The following LHFPL2 variants were observed in gnomAD, a reference collection of about 807,000 sequenced individuals.
The protein encoded by LHFPL2 is LHFPL tetraspan subfamily member 2.
A neutral mutation model predicts 17.5 loss-of-function variants in LHFPL2; 7 were observed. The ratio of observed to expected loss-of-function variants is 0.40; its 90% CI spans 0.23 to 0.75. LHFPL2 has a LOEUF of 0.75. LHFPL2 is among the 30% of genes least tolerant of loss of function. The pLI, the probability that LHFPL2 is intolerant of heterozygous loss-of-function variation, is 0.37. For synonymous variants in LHFPL2, 134 were observed against 116.2 expected, an observed-to-expected ratio of 1.15 and a Z score of -0.99; for missense variants, 241 against 294.8, an observed-to-expected ratio of 0.82 and a Z score of 1.34.
Position 78,585,689 on chromosome 5 carries a change from CTCA to C in LHFPL2, c.-244-20821_-244-20819del, listed in dbSNP as rs1044153398. Among the ~76,000 whole-genome samples, 156 of 152,280 alleles carry C rather than the reference CTCA, an allele frequency of 1.0e-3. 1 individual carries two copies. The highest frequency in any genetic ancestry group is 3.6e-3 in the African/African-American group (148 of 41,556). On this transcript the variant is annotated intron_variant, in intron 2 of 4. Coordinates refer to ENST00000380345, the MANE Select transcript of LHFPL2 (RefSeq NM_005779.3). ...AAACAACCTCCACCTCCTCCTCCTC[CTCA>C]TCATCATCATCACCATCATCACGTA...
At position 78,489,069 on chromosome 5, in the gene LHFPL2, G is replaced by C. The variant is rs1754350146; in HGVS notation, c.515C>G (p.Ser172Cys). ...KAIDYCGHYASAYKPGDCSLG... is the reference protein window; with the variant it reads ...KAIDYCGHYACAYKPGDCSLG... The stretch of plus-strand genomic sequence containing the variant: ...GGAGCAGTCTCCAGGTTTGTAGGCA[G>C]ATGCATAATGTCCACAGTAGTCTAT... The change falls in exon 5 of 5, where the codon TCT (serine) becomes TGT (cysteine). Residue 172 changes from serine (S) to cysteine (C), a missense_variant. Ser to Cys is a moderately radical substitution (Grantham distance 112, BLOSUM62 -1). Transcript: ENST00000380345. 2 of 1,614,126 alleles carry C rather than the reference G, an allele frequency of 1.2e-6. No homozygotes were observed. Among genetic ancestry groups the C allele is most frequent in the Non-Finnish European group, 1.7e-6 (2 of 1,180,052 alleles).
chr5:78,485,619 A>C lies in LHFPL2; in HGVS notation c.*3278T>G, dbSNP rs1384100967. The stretch of plus-strand genomic sequence containing the variant: ...TTATTGCACAGAGAGGTCTGTTCTA[A>C]GCCAGACTCTTACAGCTAAGGAGGT... On this transcript the variant is annotated 3_prime_UTR_variant, in exon 5 of 5. Transcript: ENST00000380345. 1.3e-5 allele frequency: 2 copies of C among 152,614 alleles called. No individual in the cohort carries two copies. Among genetic ancestry groups the C allele is most frequent in the South Asian group, 2.1e-4 (1 of 4,824 alleles). The allele number at this position is 152,614 out of a possible 1,614,324, so 9.5% of individuals were successfully genotyped here. A position where few individuals can be genotyped will look rare whatever the true frequency, so the allele number is the denominator to read the frequency against.
chr5:78,530,261 C>T (rs1755740949), intron 3 of LHFPL2, among the ~76,000 whole-genome samples: 1 of 152,030 alleles, frequency 6.6e-6, no homozygotes, highest in South Asian at 2.1e-4. Context: ...AATTCTAACC[C>T]ATGTCTCTAA....
chr5:78,499,599 A>G (rs1413887583), intron 4 of LHFPL2, among the ~76,000 whole-genome samples: 2 of 152,230 alleles, frequency 1.3e-5, no homozygotes, highest in Non-Finnish European at 2.9e-5. Flanking sequence ...AAGAGGAGAG[A>G]CTGATATGCA....
At chr5:78,608,857 G>A (rs1229290678) in intron 2 of LHFPL2, among the ~76,000 whole-genome samples, 10 of 151,862 alleles carry the variant, frequency 6.6e-5, no homozygotes, top group Admixed American at 2.6e-4. Context: ...GCATGAACCC[G>A]GGAGGTGGAG....
chr5:78,597,753 TAAG>T (rs1743877311), intron 2 of LHFPL2, among the ~76,000 whole-genome samples: 1 of 152,170 alleles, frequency 6.6e-6, no homozygotes. Context: ...GTTACAGGAA[TAAG>T]AAAGAATTTA....
intron 4 of LHFPL2, among the ~76,000 whole-genome samples, chr5:78,493,660 T>C (rs750457980): frequency 1.3e-4 from 20 of 152,182 alleles, no homozygotes; most frequent in Non-Finnish European, 2.5e-4. Context: ...ATAACTGAGA[T>C]ACCAGTCAAT....
intron 1 of LHFPL2, among the ~76,000 whole-genome samples, chr5:78,645,540 GCATACACACA>G (rs1561380717): frequency 2.3e-5 from 2 of 86,256 alleles, no homozygotes; most frequent in Non-Finnish European, 4.6e-5. Context: ...ACAGACAGAT[GCATACACACA>G]CACACACACA....
At chr5:78,497,586 GATTTGAATGGATGAATGAAAAGAT>G (rs1229363356) in intron 4 of LHFPL2, among the ~76,000 whole-genome samples, 1 of 152,202 alleles carries the variant, frequency 6.6e-6, no homozygotes, top group Admixed American at 6.5e-5. Context: ...AATATTCACT[GATTTGAATGGATGAATGAAAAGAT>G]AAGGTGATGT....
chr5:78,644,375 A>T, intron 1 of LHFPL2: 1 of 992,604 alleles, frequency 1.0e-6, no homozygotes, highest in Non-Finnish European at 1.5e-6. Flanking sequence ...CTCACTATGC[A>T]GCAATATCCT....
chr5:78,622,409 A>G (rs559681970), intron 2 of LHFPL2, among the ~76,000 whole-genome samples: 255 of 152,250 alleles, frequency 1.7e-3, no homozygotes, highest in African/African-American at 5.9e-3. Context: ...CCTCCCAACA[A>G]TTTTATGAAG....
chr5:78,494,098 T>C (rs538448198), intron 4 of LHFPL2, among the ~76,000 whole-genome samples: 22 of 152,280 alleles, frequency 1.4e-4, no homozygotes, highest in African/African-American at 4.6e-4. Context: ...TGGTAGTCTC[T>C]GGGGCCCTGC....
At chr5:78,617,937 TCA>T in intron 2 of LHFPL2, among the ~76,000 whole-genome samples, 1 of 152,260 alleles carries the variant, frequency 6.6e-6, no homozygotes, top group East Asian at 1.9e-4. Context: ...GCGCGGTGGC[TCA>T]CACCTGTAAT....
chr5:78,602,067 G>T (rs1289702461), intron 2 of LHFPL2, among the ~76,000 whole-genome samples: 1 of 152,028 alleles, frequency 6.6e-6, no homozygotes. Flanking sequence ...ATGAAATATG[G>T]TACTACTTTG....
rs186011642 is a variant in LHFPL2, at chr5:78,581,590, A to G, written c.-244-16719T>C. 2.4e-4 allele frequency among the ~76,000 whole-genome samples: 37 copies of G among 152,268 alleles called. 1 individual carries two copies. Among genetic ancestry groups the G allele is most frequent in the Admixed American group, 2.0e-3 (31 of 15,298 alleles). ...TGGTTCTGTTTATATGCTGGATTAC[A>G]TTTATTGATTTGCGTATATTGAACC... On this transcript the variant is annotated intron_variant, in intron 2 of 4. Transcript: ENST00000380345.
intron 2 of LHFPL2, among the ~76,000 whole-genome samples, chr5:78,584,259 A>G (rs1378049319): frequency 2.0e-3 from 301 of 152,204 alleles, no homozygotes; most frequent in African/African-American, 6.6e-3. Flanking sequence ...TAATTTGATC[A>G]TCTGAAGCCT....
intron 3 of LHFPL2, among the ~76,000 whole-genome samples, chr5:78,537,559 T>C (rs995954237): frequency 9.9e-5 from 15 of 152,148 alleles, no homozygotes; most frequent in Admixed American, 2.6e-4. Flanking sequence ...CAGCTCTTAG[T>C]GAATGGAAAC....
intron 1 of LHFPL2, among the ~76,000 whole-genome samples, chr5:78,637,083 T>A (rs1463376760): frequency 6.6e-6 from 1 of 152,038 alleles, no homozygotes; most frequent in Non-Finnish European, 1.5e-5. Context: ...AAGAACCACC[T>A]AGAAGCTTTG....
At chr5:78,501,821 G>C (rs1460212168) in intron 4 of LHFPL2, among the ~76,000 whole-genome samples, 1 of 152,176 alleles carries the variant, frequency 6.6e-6, no homozygotes, top group African/African-American at 2.4e-5. Flanking sequence ...TCAGGAACTA[G>C]AAGTCAAAGG....
Sources: allele counts gnomAD v4.1 joint callset (sites outside exome capture counted in the v4.1 genomes callset), GRCh38; gene constraint gnomAD v4.1.1; transcripts MANE v1.5; gene names NCBI Gene and HGNC (gene_info 2026-07-23, HGNC 2026-07-21).